The following SARDH variants were observed in gnomAD, a reference collection of about 807,000 sequenced individuals.
The protein encoded by SARDH is sarcosine dehydrogenase, also known as sarcosine dehydrogenase, mitochondrial.
In SARDH, 95 loss-of-function variants were observed where a neutral mutation model predicts 109.1. That is an observed-to-expected ratio of 0.87 (90% confidence interval 0.74 to 1.03). SARDH has a LOEUF of 1.03. Ranked by LOEUF, SARDH falls within the 50% of genes least tolerant of loss-of-function variation. The pLI, the probability that SARDH is intolerant of heterozygous loss-of-function variation, is 0.00. For synonymous variants in SARDH, 572 were observed against 534.8 expected (o/e 1.07, Z -0.96); for missense variants, 1,267 against 1,287.8 (o/e 0.98, Z 0.25).
Position 133,687,836 on chromosome 9 carries a change from A to G in SARDH, c.2069+2544T>C, listed in dbSNP as rs182859331. Among the ~76,000 whole-genome samples the G allele has an allele frequency of 5.9e-5, 9 of 152,326 alleles. No homozygotes were observed. The East Asian group carries it at 1.7e-3, about 29-fold the overall frequency. On this transcript the variant is annotated intron_variant, in intron 16 of 20. Transcript: ENST00000439388. ...AGCCTTTATCAGCAGCACCAGTATT[A>G]TTATTCATCTAAGAAACTTTGGGTT...
intron 17 of SARDH, among the ~76,000 whole-genome samples, chr9:133,683,894 C>T (rs1229254409): frequency 4.6e-5 from 7 of 152,200 alleles, no homozygotes; most frequent in East Asian, 3.9e-4. Context: ...GCCGTGCACC[C>T]GCCCACCCCC....
chr9:133,690,513 G>A lies in SARDH; in HGVS notation c.1936C>T (p.Leu646=), dbSNP rs554611953. Residue 646 remains leucine (L), a synonymous_variant, in exon 16 of 21, where the codon CTG becomes TTG. Coordinates refer to ENST00000439388, the MANE Select transcript of SARDH (RefSeq NM_001134707.2). Reference sequence around the variant, plus strand: ...TGGGCCACGGCCCCGCCCATGGCCAGGTAGTAACCGTCCCCTGGAAGAGAG... The same window carrying A: ...TGGGCCACGGCCCCGCCCATGGCCAAGTAGTAACCGTCCCCTGGAAGAGAG... ...APAFEGDGYY[L]AMGGAVAQHN... is the part of the protein sequence containing the mutation. The A allele has an allele frequency of 6.2e-7, 1 of 1,602,970 alleles. No homozygotes were observed. Among genetic ancestry groups the A allele is most frequent in the Non-Finnish European group, 8.5e-7 (1 of 1,177,182 alleles).
chr9:133,718,989 C>T lies in SARDH; in HGVS notation c.969G>A (p.Gly323=). The change falls in exon 7 of 21, where the codon GGG becomes GGA. Residue 323 remains glycine (G), a synonymous_variant. Transcript: ENST00000439388. The surrounding 1 kb of genome is among the most constrained non-coding windows in gnomAD (Gnocchi z 4.2). ...HDASVYLRLQ[G]DALSVGGYEA... is the part of the protein sequence containing the mutation. ...CATAGCCACCCACAGACAAGGCATC[C>T]CCTTGGAGGCGGAGGTAGACAGAGG... 6 of 1,614,186 alleles carry T rather than the reference C, an allele frequency of 3.7e-6. No homozygotes were observed. The highest frequency in any genetic ancestry group is 4.2e-6 in the Non-Finnish European group (5 of 1,180,036).
At chr9:133,684,806 T>C (rs929750424) in intron 17 of SARDH, among the ~76,000 whole-genome samples, 1 of 152,194 alleles carries the variant, frequency 6.6e-6, no homozygotes, top group African/African-American at 2.4e-5. Flanking sequence ...CGGAGCCAGC[T>C]ACTGCTCAGC....
At chr9:133,683,690 G>A (rs532260546) in intron 17 of SARDH, among the ~76,000 whole-genome samples, 2 of 152,304 alleles carry the variant, frequency 1.3e-5, no homozygotes, top group South Asian at 4.1e-4. Flanking sequence ...GATCTCCCTA[G>A]TTTCTGGCCG....
chr9:133,688,231 G>A (rs1373337651), intron 16 of SARDH, among the ~76,000 whole-genome samples: 1 of 152,148 alleles, frequency 6.6e-6, no homozygotes, highest in African/African-American at 2.4e-5. Context: ...TGTGGGCCAG[G>A]CTGGGGACTG....
chr9:133,703,116 T>C (rs1369437266), intron 12 of SARDH, 87 bp from the exon 13 acceptor site: 2 of 1,202,624 alleles, frequency 1.7e-6, no homozygotes, highest in Non-Finnish European at 2.4e-6. Context: ...GAGGCTGTGA[T>C]GGGGTCAGGC....
intron 14 of SARDH, among the ~76,000 whole-genome samples, chr9:133,695,907 G>T (rs1054421545): frequency 6.6e-6 from 1 of 152,162 alleles, no homozygotes; most frequent in African/African-American, 2.4e-5. Context: ...AGCATGGGGG[G>T]GACTGGGCCC....
chr9:133,705,011 G>T lies in SARDH; in HGVS notation c.1491C>A (p.Cys497Ter), dbSNP rs1174212317. 11 of 1,591,956 alleles carry T rather than the reference G, an allele frequency of 6.9e-6. No individual in the cohort carries two copies. The East Asian group carries it at 2.0e-4, about 30-fold the overall frequency. Residue 497 changes from cysteine (C) to a stop codon, truncating the protein, a stop_gained, in exon 12 of 21, where the codon TGC becomes TGA. Transcript: ENST00000439388. LOFTEE classifies it high-confidence loss of function. ...CCCAGCCATGCCGCTCCTGGAACAC[G>T]CAGCCTTGTCCAAGGAGTTCCTGAG... ...PLHEELLGQG[C>*]VFQERHGWER...
chr9:133,675,948 C>T (rs1393078942), intron 17 of SARDH, among the ~76,000 whole-genome samples: 1 of 151,994 alleles, frequency 6.6e-6, no homozygotes, highest in Non-Finnish European at 1.5e-5. Flanking sequence ...TTAGAATTAG[C>T]TGGGTTTGGT....
At chr9:133,725,207 C>G (rs995176090) in intron 6 of SARDH, among the ~76,000 whole-genome samples, 7 of 152,032 alleles carry the variant, frequency 4.6e-5, no homozygotes, top group Non-Finnish European at 7.4e-5. Context: ...AGTCTGGGGA[C>G]AGGGTGGGAA....
chr9:133,729,179 T>A (rs1393653447), intron 6 of SARDH, among the ~76,000 whole-genome samples: 3 of 151,410 alleles, frequency 2.0e-5, no homozygotes, highest in East Asian at 1.9e-4. Context: ...GAGGGTTGCA[T>A]GATGAACGGA....
intron 17 of SARDH, among the ~76,000 whole-genome samples, chr9:133,677,646 TC>T (rs1192882394): frequency 1.3e-5 from 2 of 152,124 alleles, no homozygotes; most frequent in African/African-American, 4.8e-5. Flanking sequence ...GGGGCAGGGG[TC>T]CTTTGTGATA....
Position 133,718,697 on chromosome 9 carries a change from C to A in SARDH, c.1020+241G>T, listed in dbSNP as rs778463098. The A allele has an allele frequency of 7.7e-6, 6 of 779,708 alleles. No individual in the cohort carries two copies. Among genetic ancestry groups the A allele is most frequent in the East Asian group, 2.4e-5 (1 of 41,180 alleles). The allele number at this position is 779,708 out of a possible 1,614,324, so 48.3% of individuals were successfully genotyped here. A position where few individuals can be genotyped will look rare whatever the true frequency, so the allele number is the denominator to read the frequency against. ...AGGTCATCACTCCACACTGCGCAGA[C>A]CTTCTCTGTGGATGTTTTGAGGCAA... On this transcript the variant is annotated intron_variant, in intron 7 of 20. Transcript: ENST00000439388. This position sits in a 1 kb window ranked among gnomAD's most constrained non-coding sequence, Gnocchi z 4.2.
At chr9:133,734,933 G>A (rs492847) in intron 1 of SARDH, among the ~76,000 whole-genome samples, 7 of 152,214 alleles carry the variant, frequency 4.6e-5, no homozygotes, top group African/African-American at 9.6e-5. Context: ...AGGTCCTGCG[G>A]GGTGGGGATG....
At position 133,704,748 on chromosome 9, in the gene SARDH, G is replaced by A. The variant is rs193111965; in HGVS notation, c.1554+200C>T. Among the ~76,000 whole-genome samples, 42 of 152,282 alleles carry A rather than the reference G, an allele frequency of 2.8e-4. No individual in the cohort carries two copies. The highest frequency in any genetic ancestry group is 2.4e-3 in the Admixed American group (37 of 15,298). Reference sequence around the variant, plus strand: ...GGGGAGGACGAGGAGTGGGAATTGCGTGAACGGCACAAAGAATGCACTGAG... The same window carrying A: ...GGGGAGGACGAGGAGTGGGAATTGCATGAACGGCACAAAGAATGCACTGAG... On this transcript the variant is annotated intron_variant, in intron 12 of 20. Transcript: ENST00000439388. This position sits in a 1 kb window ranked among gnomAD's most constrained non-coding sequence, Gnocchi z 4.5.
intron 19 of SARDH, among the ~76,000 whole-genome samples, chr9:133,668,117 A>G (rs1830138386): frequency 6.6e-6 from 1 of 151,900 alleles, no homozygotes; most frequent in Non-Finnish European, 1.5e-5. Context: ...GGGTCAGGCA[A>G]GCAGAAAGGA....
Position 133,717,858 on chromosome 9 carries a change from C to T in SARDH, c.1021-403G>A, listed in dbSNP as rs189779430. Among the ~76,000 whole-genome samples the T allele has an allele frequency of 3.6e-4, 55 of 152,290 alleles. 1 individual carries two copies. The highest frequency in any genetic ancestry group is 1.3e-4 in the Non-Finnish European group (9 of 68,022). On this transcript the variant is annotated intron_variant, in intron 7 of 20. Transcript: ENST00000439388. ...AGAGCAAGCTTGTGTGAGCTCAAGG[C>T]CTTCACCCCTCAATGGGGCAGTTCT...
At chr9:133,708,046 C>T (rs1189410547) in intron 11 of SARDH, among the ~76,000 whole-genome samples, 1 of 152,184 alleles carries the variant, frequency 6.6e-6, no homozygotes, top group Non-Finnish European at 1.5e-5. Flanking sequence ...CCTGCTCCTC[C>T]ACTACAACAG....
Sources: gnomAD v4.1 joint callset for allele counts (sites outside exome capture counted in the v4.1 genomes callset) on GRCh38, gnomAD v4.1.1 for gene constraint, Gnocchi (gnomAD v3.1) non-coding constraint, MANE v1.5 for transcripts, NCBI Gene and HGNC (gene_info 2026-07-23, HGNC 2026-07-21) for gene names.